The following DCDC2C variants were observed in gnomAD, a reference collection of about 807,000 sequenced individuals.
DCDC2C encodes doublecortin domain containing 2C, also known as doublecortin domain-containing protein 2C.
Under a neutral mutation model 45.0 loss-of-function variants are expected in DCDC2C, and 44 were observed. The ratio of observed to expected loss-of-function variants is 0.98; its 90% CI spans 0.77 to 1.26. DCDC2C has a LOEUF of 1.26. Ranked by LOEUF, DCDC2C falls within the 50% of genes most tolerant of loss-of-function variation. The pLI, the probability that DCDC2C is intolerant of heterozygous loss-of-function variation, is 0.00. For synonymous variants in DCDC2C, 187 were observed against 178.8 expected (o/e 1.05, Z -0.37); for missense variants, 447 against 468.9 (o/e 0.95, Z 0.43).
At chr2:3,706,022 T>TAA (rs1184478183) in intron 1 of DCDC2C, among the ~76,000 whole-genome samples, 11 of 152,206 alleles carry the variant, frequency 7.2e-5, no homozygotes, top group Non-Finnish European at 1.6e-4. Flanking sequence ...TTCTTCAGTT[T>TAA]TTTTTAGGTC....
intron 10 of DCDC2C, among the ~76,000 whole-genome samples, chr2:3,826,132 T>G (rs1671809306): frequency 6.6e-6 from 1 of 152,184 alleles, no homozygotes; most frequent in Non-Finnish European, 1.5e-5. Context: ...ACTTGTAAGA[T>G]CCTCTTGTAA....
At chr2:3,839,241 T>C (rs1291480431) in intron 10 of DCDC2C, among the ~76,000 whole-genome samples, 1 of 152,220 alleles carries the variant, frequency 6.6e-6, no homozygotes, top group Non-Finnish European at 1.5e-5. Flanking sequence ...TAGGTAATAG[T>C]TACCAAATAC....
intron 10 of DCDC2C, among the ~76,000 whole-genome samples, chr2:3,833,713 C>A (rs1327909096): frequency 6.6e-6 from 1 of 152,160 alleles, no homozygotes; most frequent in Non-Finnish European, 1.5e-5. Flanking sequence ...GGAGGTCTAG[C>A]TTACTTAAAT....
At chr2:3,755,632 C>T (rs918389767) in intron 6 of DCDC2C, among the ~76,000 whole-genome samples, 1 of 150,356 alleles carries the variant, frequency 6.7e-6, no homozygotes, top group Non-Finnish European at 1.5e-5. Context: ...TATGTGTGTG[C>T]CTATGACTAC....
At chr2:3,810,697 G>A (rs148164901) in intron 10 of DCDC2C, among the ~76,000 whole-genome samples, 17,940 of 152,130 alleles carry the variant, frequency 0.12, 1,332 homozygotes, top group East Asian at 0.18. Flanking sequence ...TTTCTTCTAG[G>A]GTTTTTATGG....
chr2:3,833,249 A>G (rs1262761046), intron 10 of DCDC2C, among the ~76,000 whole-genome samples: 1 of 152,174 alleles, frequency 6.6e-6, no homozygotes, highest in Non-Finnish European at 1.5e-5. Context: ...CCTCTTTATT[A>G]GCAGCCTTAA....
At chr2:3,784,673 G>C (rs1572615341) in intron 9 of DCDC2C, among the ~76,000 whole-genome samples, 2 of 152,066 alleles carry the variant, frequency 1.3e-5, no homozygotes, top group East Asian at 3.9e-4. Context: ...CAATAGAATG[G>C]AATACAATAC....
chr2:3,720,362 A>G (rs1305123173), intron 2 of DCDC2C, among the ~76,000 whole-genome samples: 1 of 150,526 alleles, frequency 6.6e-6, no homozygotes, highest in Non-Finnish European at 1.5e-5. Flanking sequence ...GGAACTCACT[A>G]AAGCCTGCAC....
rs116128549 is a variant in DCDC2C, at chr2:3,727,575, C to T, written c.416+496C>T. The stretch of plus-strand genomic sequence containing the variant: ...CAGGTGTTGCTACAGGAACGGAGTG[C>T]ATTAGAGCCTCACTGGCCGCTGCCC... On this transcript the variant is annotated intron_variant, in intron 3 of 10. Coordinates refer to ENST00000399143, the MANE Select transcript of DCDC2C (RefSeq NM_001287444.2). 6.4e-3 allele frequency among the ~76,000 whole-genome samples: 981 copies of T among 152,342 alleles called. 14 individuals carry two copies. The highest frequency in any genetic ancestry group is 0.022 in the African/African-American group (918 of 41,566).
chr2:3,738,286 GA>G (rs1470047271), intron 3 of DCDC2C, among the ~76,000 whole-genome samples: 2 of 152,092 alleles, frequency 1.3e-5, no homozygotes, highest in African/African-American at 2.4e-5. Flanking sequence ...TTTGAGCAAT[GA>G]GATTGAAATA....
intron 3 of DCDC2C, among the ~76,000 whole-genome samples, chr2:3,727,539 C>A (rs1279563133): frequency 6.6e-6 from 1 of 152,216 alleles, no homozygotes; most frequent in African/African-American, 2.4e-5. Context: ...TGGGCTACAG[C>A]ACATCCAAGT....
chr2:3,708,229 C>T (rs1383119294), intron 1 of DCDC2C, among the ~76,000 whole-genome samples: 1 of 152,120 alleles, frequency 6.6e-6, no homozygotes, highest in African/African-American at 2.4e-5. Flanking sequence ...GGGCCTTCAG[C>T]GACCTGGTTA....
chr2:3,760,844 A>AT (rs1233113538), intron 6 of DCDC2C, among the ~76,000 whole-genome samples: 15 of 103,734 alleles, frequency 1.4e-4, no homozygotes, highest in South Asian at 4.8e-4. Flanking sequence ...TTAAAGTAAA[A>AT]TAAAAAAAAA....
rs117886401 is a variant in DCDC2C, at chr2:3,733,300, G to A, written c.416+6221G>A. On this transcript the variant is annotated intron_variant, in intron 3 of 10. Coordinates refer to ENST00000399143, the MANE Select transcript of DCDC2C (RefSeq NM_001287444.2). The stretch of plus-strand genomic sequence containing the variant: ...AGATGAAGTGAGGGACAGCTGCTTG[G>A]TCCAGCTAAAAGCTAAAGTGTTCAA... 2.4e-3 allele frequency among the ~76,000 whole-genome samples: 373 copies of A among 152,294 alleles called. 6 individuals carry two copies. In the East Asian group the frequency reaches 0.065, roughly 26 times the overall value.
intron 2 of DCDC2C, among the ~76,000 whole-genome samples, chr2:3,724,258 T>C (rs1668575607): frequency 6.6e-6 from 1 of 152,222 alleles, no homozygotes; most frequent in African/African-American, 2.4e-5. Flanking sequence ...TCTTCCCGTC[T>C]GCCAGGCTGC....
At chr2:3,736,267 G>A (rs540186080) in intron 3 of DCDC2C, among the ~76,000 whole-genome samples, 1 of 152,302 alleles carries the variant, frequency 6.6e-6, no homozygotes, top group South Asian at 2.1e-4. Context: ...GGACTGAGAA[G>A]GAAGTTGTGC....
chr2:3,745,590 A>C (rs963777721), intron 4 of DCDC2C, among the ~76,000 whole-genome samples: 10 of 152,234 alleles, frequency 6.6e-5, no homozygotes, highest in African/African-American at 2.4e-4. Context: ...TTTGAATGGG[A>C]ACTACAGCTA....
rs1336773521 is a variant in DCDC2C, at chr2:3,709,979, G to T, written c.339+1379G>T. 2.0e-5 allele frequency among the ~76,000 whole-genome samples: 3 copies of T among 152,164 alleles called. No homozygotes were observed. In the East Asian group the frequency reaches 5.8e-4, roughly 29 times the overall value. On this transcript the variant is annotated intron_variant, in intron 2 of 10. Transcript: ENST00000399143. ...CGCTGGCCTTGTCCTCCTAGGGCAGGCATTAGGTTGCTGGGCACTCACTCT... is the reference window on the plus strand; with the variant it reads ...CGCTGGCCTTGTCCTCCTAGGGCAGTCATTAGGTTGCTGGGCACTCACTCT...
rs566862605 is a variant in DCDC2C at position 3,761,327 on chromosome 2, G to A, written c.727-6427G>A. Reference sequence around the variant, plus strand: ...TTCTGGGCATAGAGCACAAGTGTTCGTAGTGAACGGTAATGAAAAGGAGAT... The same window carrying A: ...TTCTGGGCATAGAGCACAAGTGTTCATAGTGAACGGTAATGAAAAGGAGAT... On this transcript the variant is annotated intron_variant, in intron 6 of 10. Transcript: ENST00000399143. The surrounding 1 kb of genome is among the most constrained non-coding windows in gnomAD (Gnocchi z 4.3). 1.1e-4 allele frequency among the ~76,000 whole-genome samples: 17 copies of A among 152,300 alleles called. No homozygotes were observed. The East Asian group carries it at 2.1e-3, about 19-fold the overall frequency.
Sources: gnomAD v4.1 joint callset for allele counts (sites outside exome capture counted in the v4.1 genomes callset) on GRCh38, gnomAD v4.1.1 for gene constraint, Gnocchi (gnomAD v3.1) non-coding constraint, MANE v1.5 for transcripts, NCBI Gene and HGNC (gene_info 2026-07-23, HGNC 2026-07-21) for gene names.